STRADA: variants seen among roughly 807,000 people sequenced by gnomAD.
STRADA encodes the protein STE20-related kinase adapter protein alpha.
Under a neutral mutation model 55.0 loss-of-function variants are expected in STRADA, and 26 were observed. The ratio of observed to expected loss-of-function variants is 0.47; its 90% CI spans 0.35 to 0.66. The LOEUF is 0.66. Ranked by LOEUF, STRADA falls within the 30% of genes least tolerant of loss-of-function variation. The pLI, the probability that STRADA is intolerant of heterozygous loss-of-function variation, is 0.01. For synonymous variants in STRADA, 197 were observed against 210.9 expected (o/e 0.93, Z 0.57); for missense variants, 443 against 549.7 (o/e 0.81, Z 1.94).
At chr17:63,705,104 C>T (rs1751848037) in intron 10 of STRADA, 5 of 623,248 alleles carry the variant, frequency 8.0e-6, no homozygotes, top group African/African-American at 3.7e-5. Flanking sequence ...CAACTCAACA[C>T]ATATAAAACC....
intron 4 of STRADA, among the ~76,000 whole-genome samples, chr17:63,722,384 T>C (rs1438186226): frequency 1.3e-5 from 2 of 152,244 alleles, no homozygotes. Flanking sequence ...ACTTTTGATA[T>C]AACATCAGCA....
chr17:63,709,951 G>GA (rs920974719), intron 8 of STRADA, among the ~76,000 whole-genome samples: 1 of 151,764 alleles, frequency 6.6e-6, no homozygotes, highest in Admixed American at 6.6e-5. Flanking sequence ...TCAGCAAAGA[G>GA]AAAGTCAGTG....
intron 1 of STRADA, chr17:63,737,521 T>A (rs2038540335): frequency 6.6e-6 from 1 of 151,752 alleles, no homozygotes; most frequent in African/African-American, 2.4e-5. Context: ...AAGTAAAGTT[T>A]CACCTGACAG....
At position 63,706,676 on chromosome 17, in the gene STRADA, C is replaced by T. The variant is rs866615378; in HGVS notation, c.817G>A (p.Ala273Thr). 2 of 1,614,004 alleles carry T rather than the reference C, an allele frequency of 1.2e-6. No homozygotes were observed. Among genetic ancestry groups the T allele is most frequent in the Admixed American group, 1.7e-5 (1 of 60,008 alleles). The change falls in exon 10 of 13, where the codon GCC (alanine) becomes ACC (threonine). Residue 273 changes from alanine (A) to threonine (T), a missense_variant. Transcript: ENST00000336174. ...YSVGITACELANGHVPFKDMP... is the reference protein window; with the variant it reads ...YSVGITACELTNGHVPFKDMP... ...TCCTTAAAGGGGACATGGCCGTTGG[C>T]CAGTTCACAGGCTGTGATTCCCACA...
intron 2 of STRADA, chr17:63,727,135 A>G (rs1415380124): frequency 5.8e-6 from 1 of 173,562 alleles, no homozygotes; most frequent in African/African-American, 2.4e-5. Context: ...CAAGTTGCAT[A>G]TTCTTTATCC....
At chr17:63,740,161 C>T (rs1209518392) in intron 1 of STRADA, among the ~76,000 whole-genome samples, 16 of 122,330 alleles carry the variant, frequency 1.3e-4, no homozygotes, top group African/African-American at 3.5e-4. Flanking sequence ...CACACACACA[C>T]ACACACACAC....
At chr17:63,723,759 A>T (rs1470250993) in intron 3 of STRADA, 1 of 155,272 alleles carries the variant, frequency 6.4e-6, no homozygotes, top group African/African-American at 2.4e-5. Context: ...ATGTTTTTTC[A>T]AAAAAGGGCA....
At chr17:63,738,834 A>AAATAAT (rs372982779) in intron 1 of STRADA, among the ~76,000 whole-genome samples, 39,519 of 146,048 alleles carry the variant, frequency 0.27, 6,040 homozygotes, top group African/African-American at 0.41. Flanking sequence ...CTCCATCTCA[A>AAATAAT]AATAATAATA....
At chr17:63,704,715 T>G in intron 10 of STRADA, 133 bp from the exon 11 acceptor site, 1 of 1,508,930 alleles carries the variant, frequency 6.6e-7, no homozygotes, top group Non-Finnish European at 8.8e-7. Context: ...GTGGAAAAGG[T>G]GGAAGTGGAG....
intron 1 of STRADA, among the ~76,000 whole-genome samples, chr17:63,730,826 G>T (rs2037987723): frequency 6.6e-6 from 1 of 152,076 alleles, no homozygotes; most frequent in Non-Finnish European, 1.5e-5. Context: ...CTCCCAAAGT[G>T]TTGGGATTAC....
In STRADA at chr17:63,713,557, G is replaced by T. The variant is rs16947051; in HGVS notation, c.227-30C>A. ...AAGAAAAAGGGAATGCCATACGCAA[G>T]GACAAGAACAACAAAAGGTTTTAAG... On this transcript the variant is annotated intron_variant, in intron 5 of 12. Coordinates refer to ENST00000336174, the MANE Select transcript of STRADA (RefSeq NM_001003787.4). 4 of 1,602,952 alleles carry T rather than the reference G, an allele frequency of 2.5e-6. No individual in the cohort carries two copies. In the Admixed American group the frequency reaches 5.3e-5, roughly 21 times the overall value.
chr17:63,707,307 G>T lies in STRADA; in HGVS notation c.693C>A (p.His231Gln). ...ISHGQRQRVV[H>Q]DFPKYSVKVL... ...CCTTGACACTGTACTTGGGAAAATC[G>T]TGGACCACTCGCTGCCGCTGCCCAT... Residue 231 changes from histidine (H) to glutamine (Q), a missense_variant, in exon 9 of 13, where the codon CAC becomes CAA. Transcript: ENST00000336174. 6.2e-7 allele frequency: 1 copy of T among 1,614,194 alleles called. No individual in the cohort carries two copies. Among genetic ancestry groups the T allele is most frequent in the Non-Finnish European group, 8.5e-7 (1 of 1,180,030 alleles).
chr17:63,714,979 C>T (rs11657081), intron 4 of STRADA, among the ~76,000 whole-genome samples: 48,700 of 152,044 alleles, frequency 0.32, 9,006 homozygotes, highest in African/African-American at 0.51. Flanking sequence ...TCTTTAGATG[C>T]ACATCTAACT....
chr17:63,741,891 C>T (rs1055856197), upstream of STRADA: 1 of 152,324 alleles, frequency 6.6e-6, no homozygotes, highest in African/African-American at 2.4e-5. Flanking sequence ...AGCGCTCCGC[C>T]CCACCCCGCC....
chr17:63,741,261 AC>A (rs1407810086), intron 1 of STRADA: 1 of 152,192 alleles, frequency 6.6e-6, no homozygotes, highest in Admixed American at 6.5e-5. Context: ...TTTCTGGAAA[AC>A]AAAAAGACAA....
intron 1 of STRADA, among the ~76,000 whole-genome samples, chr17:63,731,685 T>C (rs570543589): frequency 7.2e-5 from 11 of 152,244 alleles, no homozygotes; most frequent in Non-Finnish European, 1.3e-4. Flanking sequence ...TATTTAATAG[T>C]ATTAAACACA....
chr17:63,703,841 G>A (rs903107349), intron 12 of STRADA, 90 bp from the exon 13 acceptor site: 35 of 1,609,650 alleles, frequency 2.2e-5, no homozygotes, highest in South Asian at 3.3e-5. Context: ...GGTGGCAGAC[G>A]GGCTGTCGGA....
rs1045863605 is a variant in STRADA, at chr17:63,710,817, T to C, written c.368A>G (p.Lys123Arg). Reference protein sequence around the residue: ...TFLQGELHVSKLFNHPNIVPY... With the variant: ...TFLQGELHVSRLFNHPNIVPY... The stretch of plus-strand genomic sequence containing the variant: ...CACGATATTGGGATGGTTGAAGAGT[T>C]TGGAGACATGCAGCTCGCCCTGGAA... Residue 123 changes from lysine to arginine, a missense_variant, in exon 7 of 13, where the codon AAA becomes AGA. Lys to Arg is a conservative substitution (Grantham distance 26). Transcript: ENST00000336174. 10 of 1,614,038 alleles carry C rather than the reference T, an allele frequency of 6.2e-6. No homozygotes were observed. Among genetic ancestry groups the C allele is most frequent in the Admixed American group, 5.0e-5 (3 of 60,000 alleles).
chr17:63,705,190 T>C (rs2036001892), intron 10 of STRADA: 1 of 549,966 alleles, frequency 1.8e-6, no homozygotes, highest in African/African-American at 1.9e-5. Flanking sequence ...ACCTGGAAAT[T>C]GCTCTAGAGC....
Sources: allele counts gnomAD v4.1 joint callset (sites outside exome capture counted in the v4.1 genomes callset), GRCh38; gene constraint gnomAD v4.1.1; transcripts MANE v1.5; gene names NCBI Gene and HGNC (gene_info 2026-07-23, HGNC 2026-07-21).